Variants in AFG2A observed in about 807,000 individuals in gnomAD.
AFG2A encodes AAA ATPase AFG2A.
the AFG2A span, among the ~76,000 whole-genome samples, chr4:123,093,817 C>T: frequency 3.9e-5 from 6 of 152,078 alleles, no homozygotes; most frequent in Admixed American, 1.3e-4. Context: ...GAGTTGGAAG[C>T]CTTGTGCCAG....
the AFG2A span, among the ~76,000 whole-genome samples, chr4:122,961,547 C>A: frequency 6.6e-6 from 1 of 152,190 alleles, no homozygotes. Flanking sequence ...GCTTTTTGCC[C>A]AGGCCGGAGT....
the AFG2A span, among the ~76,000 whole-genome samples, chr4:123,179,369 C>T: frequency 6.6e-6 from 1 of 152,120 alleles, no homozygotes; most frequent in Non-Finnish European, 1.5e-5. Context: ...GTGACAGAGT[C>T]TCACTGTGGC....
the AFG2A span, among the ~76,000 whole-genome samples, chr4:122,978,108 C>A: frequency 6.6e-6 from 1 of 151,762 alleles, no homozygotes; most frequent in African/African-American, 2.4e-5. Context: ...TATCTGGCAT[C>A]CCAGCTAGTG....
chr4:123,316,747 A>T, the AFG2A span: 2 of 152,198 alleles, frequency 1.3e-5, no homozygotes, highest in Non-Finnish European at 2.9e-5. Context: ...TAGCCACTCA[A>T]AGCCTTCAGC....
chr4:123,005,777 T>G, the AFG2A span, among the ~76,000 whole-genome samples: 4 of 152,352 alleles, frequency 2.6e-5, no homozygotes, highest in Non-Finnish European at 4.4e-5. Flanking sequence ...CTATACCATG[T>G]GTACAGTATA....
chr4:123,057,099 G>A, the AFG2A span: 2 of 1,076,222 alleles, frequency 1.9e-6, no homozygotes, highest in Admixed American at 3.9e-5. Context: ...GACTGGGCTT[G>A]TTGACTTGTA....
At chr4:122,950,153 G>A in the AFG2A span, among the ~76,000 whole-genome samples, 1 of 152,152 alleles carries the variant, frequency 6.6e-6, no homozygotes, top group Non-Finnish European at 1.5e-5. Flanking sequence ...TTTGTGCACG[G>A]CTGCTGGTAA....
chr4:123,214,955 C>A, the AFG2A span, among the ~76,000 whole-genome samples: 2 of 151,982 alleles, frequency 1.3e-5, no homozygotes, highest in Non-Finnish European at 2.9e-5. Context: ...TTTGGAGAGT[C>A]TCAGGTTAAA....
chr4:122,959,925 A>G, the AFG2A span, among the ~76,000 whole-genome samples: 7 of 152,142 alleles, frequency 4.6e-5, no homozygotes, highest in Non-Finnish European at 1.0e-4. Flanking sequence ...GTTGCTTTCA[A>G]CCCTTAGATC....
At chr4:123,171,564 G>A in the AFG2A span, among the ~76,000 whole-genome samples, 1 of 152,050 alleles carries the variant, frequency 6.6e-6, no homozygotes, top group African/African-American at 2.4e-5. Flanking sequence ...ACTATAGTAA[G>A]TGATCTTTGG....
At chr4:123,064,584 T>G in the AFG2A span, among the ~76,000 whole-genome samples, 29 of 152,342 alleles carry the variant, frequency 1.9e-4, no homozygotes, top group Non-Finnish European at 3.8e-4. Flanking sequence ...TAGTCAACCT[T>G]GTCTTAGGCA....
At chr4:122,959,747 G>A in the AFG2A span, among the ~76,000 whole-genome samples, 2 of 151,236 alleles carry the variant, frequency 1.3e-5, no homozygotes, top group Admixed American at 6.6e-5. Flanking sequence ...CCTTTTCAGA[G>A]GATAGAAGGT....
chr4:123,267,214 G>A, the AFG2A span, among the ~76,000 whole-genome samples: 1 of 152,124 alleles, frequency 6.6e-6, no homozygotes, highest in Admixed American at 6.5e-5. Context: ...TTTGGAAACT[G>A]AAGAACAGAA....
chr4:123,211,508 A>G, the AFG2A span, among the ~76,000 whole-genome samples: 1 of 152,158 alleles, frequency 6.6e-6, no homozygotes, highest in South Asian at 2.1e-4. Flanking sequence ...AGAAAGACCT[A>G]TATTTTATAG....
At chr4:122,927,238 C>T in the AFG2A span, among the ~76,000 whole-genome samples, 21 of 152,160 alleles carry the variant, frequency 1.4e-4, no homozygotes, top group African/African-American at 4.8e-4. Flanking sequence ...AGAAACATAA[C>T]TTAATCCTCT....
At chr4:122,955,704 G>A in the AFG2A span, among the ~76,000 whole-genome samples, 7 of 152,298 alleles carry the variant, frequency 4.6e-5, no homozygotes, top group East Asian at 3.9e-4. Context: ...GGAGAAAATC[G>A]TTTTTCTTTC....
the AFG2A span, among the ~76,000 whole-genome samples, chr4:123,165,945 C>T: frequency 3.9e-5 from 6 of 152,194 alleles, no homozygotes. Flanking sequence ...TATCTGCTCA[C>T]TATTCCATTC....
the AFG2A span, among the ~76,000 whole-genome samples, chr4:122,947,044 A>C: frequency 2.6e-5 from 4 of 152,170 alleles, no homozygotes; most frequent in Non-Finnish European, 5.9e-5. Flanking sequence ...GTATAATAAA[A>C]GTAATAAATG....
the AFG2A span, among the ~76,000 whole-genome samples, chr4:123,018,195 C>T: frequency 6.6e-6 from 1 of 152,232 alleles, no homozygotes; most frequent in South Asian, 2.1e-4. Flanking sequence ...TATCTCACTG[C>T]TCTGTGCTTG....
Sources: gnomAD v4.1 joint callset for allele counts (sites outside exome capture counted in the v4.1 genomes callset) on GRCh38, gnomAD v4.1.1 for gene constraint, MANE v1.5 for transcripts, NCBI Gene and HGNC (gene_info 2026-07-23, HGNC 2026-07-21) for gene names.